The following MYO7B variants were observed in gnomAD, a reference collection of about 807,000 sequenced individuals.
MYO7B encodes myosin VIIB.
A neutral mutation model predicts 259.7 loss-of-function variants in MYO7B; 212 were observed. The observed-to-expected ratio is 0.82, with a 90% CI of 0.73 to 0.91. The LOEUF is 0.91. MYO7B is among the 40% of genes least tolerant of loss of function. The pLI, the probability that MYO7B is intolerant of heterozygous loss-of-function variation, is 0.00. For synonymous variants in MYO7B, 1,197 were observed against 1,166.4 expected (o/e 1.03, Z -0.54); for missense variants, 2,732 against 2,813.5 (o/e 0.97, Z 0.66).
At chr2:127,635,074 G>A (rs1681727439) in intron 42 of MYO7B, 46 bp from the exon 43 acceptor site, 1 of 1,515,000 alleles carries the variant, frequency 6.6e-7, no homozygotes, top group African/African-American at 1.4e-5. Flanking sequence ...CAGGGCTGGT[G>A]TACCTGCTGG....
Position 127,581,946 on chromosome 2 carries a change from G to A in MYO7B, c.1136G>A (p.Gly379Glu), listed in dbSNP as rs774729149. Residue 379 changes from glycine (G) to glutamate (E), a missense_variant, in exon 11 of 48, where the codon GGG becomes GAG. By Grantham distance (98) the Gly-to-Glu change is moderately conservative. This residue lies in a region of MYO7B where 1,906 missense variants were observed against 2,026.4 expected (regional missense o/e 0.94). Transcript: ENST00000409816. ...CLIKHTILIR[G>E]EFVTRSLNIA... ...ATCAAGCACACCATCCTCATCCGAG[G>A]GGAATTTGTCACCAGGTCCCTGAAC... 21 of 1,613,808 alleles carry A rather than the reference G, an allele frequency of 1.3e-5. No homozygotes were observed. The highest frequency in any genetic ancestry group is 2.7e-5 in the African/African-American group (2 of 74,930).
chr2:127,621,271 T>G (rs1230183914), intron 27 of MYO7B, among the ~76,000 whole-genome samples: 4 of 150,892 alleles, frequency 2.7e-5, no homozygotes, highest in South Asian at 4.2e-4. Context: ...TTTTGTTTTT[T>G]TTTTTTTTTT....
chr2:127,595,816 G>T (rs1039405045), intron 18 of MYO7B, among the ~76,000 whole-genome samples: 2 of 152,184 alleles, frequency 1.3e-5, no homozygotes, highest in East Asian at 1.9e-4. Flanking sequence ...TAAGTTGATT[G>T]CACTGTAGTC....
rs1224643045 is a variant in MYO7B at position 127,576,599 on chromosome 2, C to G, written c.740C>G (p.Pro247Arg). The change falls in exon 8 of 48, where the codon CCC becomes CGC. Residue 247 changes from proline to arginine, a missense_variant. Pro to Arg is a moderately radical substitution (Grantham distance 103, BLOSUM62 -2). Around this residue, in one of 3 missense-constraint regions of MYO7B, gnomAD observed 1,906 missense variants for 2,026.4 expected, o/e 0.94. Coordinates refer to ENST00000409816, the MANE Select transcript of MYO7B (RefSeq NM_001393586.1). The surrounding 1 kb of genome is among the most constrained non-coding windows in gnomAD (Gnocchi z 4.9). ...LEKSRVCRQA[P>R]EERNYHIFYC... ...AATGCCCTCCCTCCCTCCCAGGCTC[C>G]CGAGGAGCGGAACTACCATATCTTC... is the stretch of plus-strand genomic sequence containing the variant. 1 of 1,591,922 alleles carries G rather than the reference C, an allele frequency of 6.3e-7. No homozygotes were observed. The highest frequency in any genetic ancestry group is 1.1e-5 in the South Asian group (1 of 89,606).
chr2:127,617,027 C>T (rs1392784644), intron 26 of MYO7B, among the ~76,000 whole-genome samples: 1 of 152,186 alleles, frequency 6.6e-6, no homozygotes, highest in Admixed American at 6.5e-5. Flanking sequence ...TAGGGCTTAA[C>T]CCTTGGCTTC....
intron 1 of MYO7B, among the ~76,000 whole-genome samples, chr2:127,551,623 C>T (rs1693446641): frequency 1.3e-5 from 2 of 152,184 alleles, no homozygotes; most frequent in Non-Finnish European, 1.5e-5. Context: ...TACATTAAAC[C>T]ACTACAGTAA....
chr2:127,630,976 C>T, intron 36 of MYO7B, 68 bp downstream of exon 36: 1 of 1,467,838 alleles, frequency 6.8e-7, no homozygotes, highest in Non-Finnish European at 9.2e-7. Context: ...TCATTGCACC[C>T]CCTGCTCCCA....
intron 34 of MYO7B, among the ~76,000 whole-genome samples, chr2:127,629,140 T>A (rs1464166459): frequency 9.2e-5 from 14 of 152,114 alleles, no homozygotes. Context: ...AAGGGGGTGC[T>A]GGTTGGGATG....
chr2:127,573,461 C>T (rs959463829), intron 6 of MYO7B, among the ~76,000 whole-genome samples: 9 of 152,316 alleles, frequency 5.9e-5, no homozygotes, highest in African/African-American at 1.2e-4. Flanking sequence ...CTCCCCATGC[C>T]GGCTTGGCCT....
intron 14 of MYO7B, among the ~76,000 whole-genome samples, chr2:127,588,004 C>A (rs955905799): frequency 2.0e-5 from 3 of 152,172 alleles, no homozygotes; most frequent in African/African-American, 7.2e-5. Context: ...GTTAGGACAC[C>A]AACATATGAA....
chr2:127,556,784 T>C (rs575044412), intron 1 of MYO7B, among the ~76,000 whole-genome samples: 1 of 152,378 alleles, frequency 6.6e-6, no homozygotes, highest in African/African-American at 2.4e-5. Flanking sequence ...TTTTCCTTTA[T>C]AGGTTACCTG....
Position 127,627,395 on chromosome 2 carries a change from C to T in MYO7B, c.4460+85C>T. Reference sequence around the variant, plus strand: ...GCTCGGGGAGAGATGGGGAGAGGGGCAGTGTGCCGTCCCGGGTAACAGGCC... The same window carrying T: ...GCTCGGGGAGAGATGGGGAGAGGGGTAGTGTGCCGTCCCGGGTAACAGGCC... On this transcript the variant is annotated intron_variant, in intron 33 of 47. Transcript: ENST00000409816. The surrounding 1 kb of genome is among the most constrained non-coding windows in gnomAD (Gnocchi z 5.6). The T allele has an allele frequency of 1.3e-6, 2 of 1,521,318 alleles. No individual in the cohort carries two copies. The highest frequency in any genetic ancestry group is 1.8e-6 in the Non-Finnish European group (2 of 1,116,116). The allele number at this position is 1,521,318 out of a possible 1,614,324, so 94.2% of individuals were successfully genotyped here. A position where few individuals can be genotyped will look rare whatever the true frequency, so the allele number is the denominator to read the frequency against.
Position 127,615,859 on chromosome 2 carries a change from G to C in MYO7B, c.3398+3256G>C, listed in dbSNP as rs1441700362. On this transcript the variant is annotated intron_variant, in intron 26 of 47. Coordinates refer to ENST00000409816, the MANE Select transcript of MYO7B (RefSeq NM_001393586.1). The surrounding 1 kb of genome is among the most constrained non-coding windows in gnomAD (Gnocchi z 4.4). ...CCAGTTGGTGGTTTGTTCCGTCTTC[G>C]CATTCAGCTGGTACTGGGGGAACCA... is the stretch of plus-strand genomic sequence containing the variant. 6.6e-6 allele frequency among the ~76,000 whole-genome samples: 1 copy of C among 152,056 alleles called. No individual in the cohort carries two copies. The highest frequency in any genetic ancestry group is 1.5e-5 in the Non-Finnish European group (1 of 68,032).
rs939893411 is a variant in MYO7B at position 127,631,142 on chromosome 2, G to A, written c.4938-64G>A. 4.7e-6 allele frequency: 7 copies of A among 1,496,360 alleles called. No individual in the cohort carries two copies. In the African/African-American group the frequency reaches 8.3e-5, roughly 18 times the overall value. The allele number at this position is 1,496,360 out of a possible 1,614,324, so 92.7% of individuals were successfully genotyped here. A position where few individuals can be genotyped will look rare whatever the true frequency, so the allele number is the denominator to read the frequency against. On this transcript the variant is annotated intron_variant, in intron 36 of 47. Transcript: ENST00000409816. ...CCACAGCCACTCAGGGGTGTCAGAGGACAGAGAAGCGTGGGACAGAGAAGG... is the reference window on the plus strand; with the variant it reads ...CCACAGCCACTCAGGGGTGTCAGAGAACAGAGAAGCGTGGGACAGAGAAGG...
chr2:127,566,659 T>C lies in MYO7B; in HGVS notation c.302T>C (p.Ile101Thr). The part of the protein sequence containing the change: ...QHKIYTYTGS[I>T]LVAVNPFQVL... Reference sequence around the variant, plus strand: ...CCTTCCCAGACATACACAGGCTCCATCCTGGTGGCCGTCAACCCGTTCCAG... The same window carrying C: ...CCTTCCCAGACATACACAGGCTCCACCCTGGTGGCCGTCAACCCGTTCCAG... Residue 101 changes from isoleucine (I) to threonine (T), a missense_variant, in exon 5 of 48, where the codon ATC (isoleucine) becomes ACC (threonine). By Grantham distance (89) the Ile-to-Thr change is moderately conservative. Around this residue, in one of 3 missense-constraint regions of MYO7B, gnomAD observed 1,906 missense variants for 2,026.4 expected, o/e 0.94. Transcript: ENST00000409816. 1 of 1,594,126 alleles carries C rather than the reference T, an allele frequency of 6.3e-7. No individual in the cohort carries two copies. Among genetic ancestry groups the C allele is most frequent in the East Asian group, 2.3e-5 (1 of 44,044 alleles).
chr2:127,607,059 A>G lies in MYO7B; in HGVS notation c.2425-147A>G. ...GCAATAACTCACTATTCTTGTGTTCATAGGTGTGTACCATTCTAGCACCGG... is the reference window on the plus strand; with the variant it reads ...GCAATAACTCACTATTCTTGTGTTCGTAGGTGTGTACCATTCTAGCACCGG... On this transcript the variant is annotated intron_variant, in intron 20 of 47. Transcript: ENST00000409816. The surrounding 1 kb of genome is among the most constrained non-coding windows in gnomAD (Gnocchi z 4.4). The G allele has an allele frequency of 2.9e-6, 2 of 687,194 alleles. No homozygotes were observed. The highest frequency in any genetic ancestry group is 4.9e-6 in the Non-Finnish European group (2 of 407,608). 42.6% of individuals were successfully genotyped at this position (687,194 alleles called of 1,614,324 possible).
At chr2:127,552,764 G>A (rs894054069) in intron 1 of MYO7B, among the ~76,000 whole-genome samples, 1 of 152,308 alleles carries the variant, frequency 6.6e-6, no homozygotes, top group South Asian at 2.1e-4. Flanking sequence ...GGCAGCCAGA[G>A]GCAGGGCAAT....
rs1017543078 is a variant in MYO7B at position 127,636,659 on chromosome 2, G to C, written c.6207+31G>C. The C allele has an allele frequency of 6.2e-7, 1 of 1,608,268 alleles. No homozygotes were observed. Among genetic ancestry groups the C allele is most frequent in the Non-Finnish European group, 8.5e-7 (1 of 1,177,360 alleles). On this transcript the variant is annotated intron_variant, in intron 46 of 47. Transcript: ENST00000409816. The surrounding 1 kb of genome is among the most constrained non-coding windows in gnomAD (Gnocchi z 4.5). ...TGCTGGGCCTCCGGAGGGGCTGGGGGCCACCAGGTCCAGGGACCTGTGCAG... is the reference window on the plus strand; with the variant it reads ...TGCTGGGCCTCCGGAGGGGCTGGGGCCCACCAGGTCCAGGGACCTGTGCAG...
At position 127,562,580 on chromosome 2, in the gene MYO7B, C is replaced by T. The variant is rs182201202; in HGVS notation, c.19-1573C>T. Among the ~76,000 whole-genome samples the T allele has an allele frequency of 8.7e-5, 13 of 149,822 alleles. No individual in the cohort carries two copies. The East Asian group carries it at 2.4e-3, about 27-fold the overall frequency. ...CTCGGTCACTGCAACCTCTGCCTCC[C>T]GGGTTCAAGCAATTCTCCTGCGTCA... is the stretch of plus-strand genomic sequence containing the variant. On this transcript the variant is annotated intron_variant, in intron 2 of 47. Transcript: ENST00000409816.
Sources: gnomAD v4.1 joint callset for allele counts (sites outside exome capture counted in the v4.1 genomes callset) on GRCh38, gnomAD v4.1.1 for gene constraint, gnomAD v4.1.1 regional missense constraint, Gnocchi (gnomAD v3.1) non-coding constraint, MANE v1.5 for transcripts, NCBI Gene and HGNC (gene_info 2026-07-23, HGNC 2026-07-21) for gene names.